Variants in THSD4 observed in about 807,000 individuals in gnomAD.
The protein encoded by THSD4 is thrombospondin type 1 domain containing 4.
In THSD4, 69 loss-of-function variants were observed where a neutral mutation model predicts 119.0. The observed-to-expected ratio is 0.58, with a 90% CI of 0.48 to 0.71. The LOEUF (loss-of-function observed/expected upper bound fraction) is 0.71, where lower values mean the gene tolerates loss of function less well. Ranked by LOEUF, THSD4 falls within the 30% of genes least tolerant of loss-of-function variation. The probability of loss-of-function intolerance (pLI) is 0.00; values close to 1 mark genes in which losing one functional copy is unlikely to be tolerated. For missense variants in THSD4, 1,393 were observed against 1,391.1 expected, an observed-to-expected ratio of 1.00 and a Z score of -0.02; for synonymous variants, 524 against 540.4, an observed-to-expected ratio of 0.97 and a Z score of 0.42.
In THSD4 at chr15:71,341,471, C is replaced by G. The variant is rs770180649; in HGVS notation, c.1016-70216C>G. 2.5e-6 allele frequency: 4 copies of G among 1,613,304 alleles called. 1 individual carries two copies. In the South Asian group the frequency reaches 4.4e-5, roughly 18 times the overall value. The stretch of plus-strand genomic sequence containing the variant: ...TTCAGCACTCTTTTTGGGCCACCGA[C>G]CTTGTGTCCAGCCCCACTGCTTGGC... On this transcript the variant is annotated intron_variant, in intron 6 of 17. Coordinates refer to ENST00000261862, the MANE Select transcript of THSD4 (RefSeq NM_024817.3).
intron 10 of THSD4, chr15:71,731,892 C>G (rs192196275): frequency 6.6e-6 from 1 of 152,564 alleles, no homozygotes; most frequent in East Asian, 1.9e-4. Flanking sequence ...GCCCCTCTCT[C>G]TCCAGAGGCT....
intron 12 of THSD4, among the ~76,000 whole-genome samples, chr15:71,745,576 G>T (rs1241677145): frequency 6.6e-6 from 1 of 152,174 alleles, no homozygotes; most frequent in Non-Finnish European, 1.5e-5. Flanking sequence ...AGAGGATAAT[G>T]CAAGTCACAA....
At chr15:71,272,226 C>T (rs1219658295) in intron 6 of THSD4, among the ~76,000 whole-genome samples, 3 of 151,562 alleles carry the variant, frequency 2.0e-5, no homozygotes, top group African/African-American at 7.3e-5. Flanking sequence ...CATAGTGAAT[C>T]CCTGTCTCTA....
chr15:71,633,008 C>T (rs967250658), intron 7 of THSD4, among the ~76,000 whole-genome samples: 19 of 152,110 alleles, frequency 1.2e-4, no homozygotes, highest in African/African-American at 4.6e-4. Flanking sequence ...GGCAGCTTAC[C>T]CGACAGCTTG....
At chr15:71,613,656 A>G (rs2050270381) in intron 7 of THSD4, among the ~76,000 whole-genome samples, 1 of 152,222 alleles carries the variant, frequency 6.6e-6, no homozygotes, top group Admixed American at 6.5e-5. Flanking sequence ...CAACTTATTT[A>G]TGAATCCATA....
At chr15:71,170,819 G>A (rs2043352874) in intron 3 of THSD4, among the ~76,000 whole-genome samples, 1 of 152,094 alleles carries the variant, frequency 6.6e-6, no homozygotes, top group South Asian at 2.1e-4. Context: ...TATTCATAAA[G>A]TTAAGTAGAG....
At chr15:71,474,115 A>AGGCAGT (rs1329904897) in intron 7 of THSD4, among the ~76,000 whole-genome samples, 1 of 152,224 alleles carries the variant, frequency 6.6e-6, no homozygotes, top group Non-Finnish European at 1.5e-5. Flanking sequence ...CCAGAGGCAG[A>AGGCAGT]GGCAGTCACT....
At chr15:71,605,328 T>A (rs1457970670) in intron 7 of THSD4, among the ~76,000 whole-genome samples, 1 of 152,234 alleles carries the variant, frequency 6.6e-6, no homozygotes, top group Non-Finnish European at 1.5e-5. Flanking sequence ...GATGAGAAAC[T>A]TCAGAGTCGT....
At chr15:71,594,090 C>T (rs1325987881) in intron 7 of THSD4, among the ~76,000 whole-genome samples, 3 of 152,090 alleles carry the variant, frequency 2.0e-5, no homozygotes, top group Non-Finnish European at 4.4e-5. Context: ...GAATGCAGCT[C>T]AGCATGGGGG....
At chr15:71,610,961 G>A (rs1595785696) in intron 7 of THSD4, among the ~76,000 whole-genome samples, 1 of 151,510 alleles carries the variant, frequency 6.6e-6, no homozygotes, top group Non-Finnish European at 1.5e-5. Context: ...ATATGTGTAT[G>A]GAAAGAAGAA....
intron 7 of THSD4, among the ~76,000 whole-genome samples, chr15:71,580,073 G>C (rs1413083713): frequency 2.0e-5 from 3 of 152,042 alleles, no homozygotes; most frequent in South Asian, 2.1e-4. Context: ...CCAAGAGAGA[G>C]TTTTCAAAAA....
chr15:71,380,667 G>A (rs1229822500), intron 6 of THSD4, among the ~76,000 whole-genome samples: 2 of 152,018 alleles, frequency 1.3e-5, no homozygotes, highest in Admixed American at 6.6e-5. Context: ...TTTTGGTTTT[G>A]ATGGCAATCA....
chr15:71,245,996 G>A (rs922258936), intron 5 of THSD4, among the ~76,000 whole-genome samples: 3 of 152,102 alleles, frequency 2.0e-5, no homozygotes, highest in Non-Finnish European at 2.9e-5. Context: ...ACATTTATCT[G>A]TCCTCCCCAG....
chr15:71,567,605 C>A (rs1026901209), intron 7 of THSD4, among the ~76,000 whole-genome samples: 1 of 100,774 alleles, frequency 9.9e-6, no homozygotes, highest in African/African-American at 2.8e-5. Context: ...CACCCCCCCA[C>A]ACACACACAC....
intron 6 of THSD4, among the ~76,000 whole-genome samples, chr15:71,266,461 C>T (rs2044466822): frequency 6.6e-6 from 1 of 151,988 alleles, no homozygotes; most frequent in Non-Finnish European, 1.5e-5. Context: ...TGAAGGTCAC[C>T]AACATCAAAG....
At chr15:71,749,797 G>A (rs930537460) in intron 14 of THSD4, among the ~76,000 whole-genome samples, 1 of 150,262 alleles carries the variant, frequency 6.7e-6, no homozygotes, top group Non-Finnish European at 1.5e-5. Flanking sequence ...TCAGCTCACT[G>A]CAGCCTCGAC....
At chr15:71,637,212 C>T (rs1041725974) in intron 7 of THSD4, among the ~76,000 whole-genome samples, 15 of 152,140 alleles carry the variant, frequency 9.9e-5, no homozygotes, top group African/African-American at 3.6e-4. Context: ...TATTTTTCAC[C>T]GTTGTTTACA....
intron 5 of THSD4, among the ~76,000 whole-genome samples, chr15:71,244,858 A>G (rs1177874750): frequency 6.6e-6 from 1 of 152,188 alleles, no homozygotes; most frequent in Non-Finnish European, 1.5e-5. Context: ...TGAGTAGTGT[A>G]TCTCTTAATT....
intron 8 of THSD4, among the ~76,000 whole-genome samples, chr15:71,720,339 CT>C (rs1309966720): frequency 6.6e-6 from 1 of 152,246 alleles, no homozygotes; most frequent in African/African-American, 2.4e-5. Flanking sequence ...GCATGAGCCA[CT>C]GTGCCCAGCC....
Sources: gnomAD v4.1 joint callset for allele counts (sites outside exome capture counted in the v4.1 genomes callset) on GRCh38, gnomAD v4.1.1 for gene constraint, MANE v1.5 for transcripts, NCBI Gene and HGNC (gene_info 2026-07-23, HGNC 2026-07-21) for gene names.